The following LIPN variants were observed in gnomAD, a reference collection of about 807,000 sequenced individuals.
LIPN encodes the protein lipase member N.
Under a neutral mutation model 43.7 loss-of-function variants are expected in LIPN, and 32 were observed. That is an observed-to-expected ratio of 0.73 (90% CI 0.55 to 0.98). The LOEUF is 0.98. LIPN is among the 50% of genes least tolerant of loss of function. The pLI is 0.00. For missense variants in LIPN, 505 were observed against 483.8 expected (o/e 1.04, Z -0.41); for synonymous variants, 156 against 157.6 (o/e 0.99, Z 0.08).
At position 88,766,359 on chromosome 10, in the gene LIPN, T is replaced by C. The variant is rs763239745; in HGVS notation, c.516T>C (p.His172=). The C allele has an allele frequency of 4.4e-6, 7 of 1,601,468 alleles. No individual in the cohort carries two copies. Among genetic ancestry groups the C allele is most frequent in the African/African-American group, 2.7e-5 (2 of 74,494 alleles). ...AGGAGAAATTGTATTTCATTGGACA[T>C]TCACTTGGCACTACAATAGGTATGT... ...TGQEKLYFIG[H]SLGTTIGFVA... Residue 172 remains histidine (H), a synonymous_variant, in exon 5 of 10, where the codon CAT becomes CAC. Transcript: ENST00000404459.
chr10:88,764,497 T>G lies in LIPN; in HGVS notation c.314T>G (p.Phe105Cys). ...LENYANGSLG[F>C]LLADAGYDVW... is the part of the protein sequence containing the mutation. ...AATTATGCTAATGGAAGCCTTGGAT[T>G]CCTTCTAGCAGATGCAGGTTATGAT... The change falls in exon 4 of 10, where the codon TTC becomes TGC. Residue 105 changes from phenylalanine to cysteine, a missense_variant. Phe to Cys is a radical substitution (Grantham distance 205). Coordinates refer to ENST00000404459, the MANE Select transcript of LIPN (RefSeq NM_001102469.2). The G allele has an allele frequency of 6.2e-7, 1 of 1,612,436 alleles. No homozygotes were observed. The highest frequency in any genetic ancestry group is 1.1e-5 in the South Asian group (1 of 91,000).
chr10:88,775,147 T>C lies in LIPN; in HGVS notation c.947T>C (p.Met316Thr), dbSNP rs374661086. Residue 316 changes from methionine to threonine, a missense_variant, in exon 9 of 10, where the codon ATG (methionine) becomes ACG (threonine). Coordinates refer to ENST00000404459, the MANE Select transcript of LIPN (RefSeq NM_001102469.2). ...GACTGGGGAAATGACGCTGATAATA[T>C]GAAACATTACAATCAGGTGAGCTAT... ...AYDWGNDADNMKHYNQSHPPI... is the reference protein window; with the variant it reads ...AYDWGNDADNTKHYNQSHPPI... The C allele has an allele frequency of 6.5e-7, 1 of 1,544,460 alleles. No individual in the cohort carries two copies. Among genetic ancestry groups the C allele is most frequent in the Non-Finnish European group, 8.8e-7 (1 of 1,141,784 alleles).
At chr10:88,771,744 C>T (rs560628483) in intron 7 of LIPN, among the ~76,000 whole-genome samples, 127 of 145,432 alleles carry the variant, frequency 8.7e-4, no homozygotes, top group African/African-American at 3.0e-3. Flanking sequence ...GATTGATTTC[C>T]TTTTTTTTTT....
intron 3 of LIPN, 41 bp downstream of exon 3, chr10:88,762,346 C>T (rs1315532199): frequency 1.4e-5 from 17 of 1,213,884 alleles, no homozygotes; most frequent in African/African-American, 3.0e-5. Context: ...CTGCATTGAC[C>T]TCCTGCTTCT....
At chr10:88,773,139 TAA>T (rs34318851) in intron 7 of LIPN, among the ~76,000 whole-genome samples, 43 of 146,868 alleles carry the variant, frequency 2.9e-4, no homozygotes, top group African/African-American at 9.7e-4. Flanking sequence ...TTCATTGAAA[TAA>T]AAAAAAAAGC....
At position 88,778,181 on chromosome 10, in the gene LIPN, G is replaced by T; in HGVS notation, c.1136G>T (p.Gly379Val). The change falls in exon 10 of 10, where the codon GGC becomes GTC. Residue 379 changes from glycine (G) to valine (V), a missense_variant. Coordinates refer to ENST00000404459, the MANE Select transcript of LIPN (RefSeq NM_001102469.2). ...TGGAACCACTTTGATTTTGTCTGGG[G>T]CCTCGATGCCCCTCAACGGATGTAC... ...PDWNHFDFVW[G>V]LDAPQRMYSE... 6.2e-7 allele frequency: 1 copy of T among 1,613,248 alleles called. No homozygotes were observed. Among genetic ancestry groups the T allele is most frequent in the Non-Finnish European group, 8.5e-7 (1 of 1,179,590 alleles).
intron 4 of LIPN, among the ~76,000 whole-genome samples, chr10:88,765,136 C>A (rs1843072687): frequency 6.6e-6 from 1 of 151,964 alleles, no homozygotes; most frequent in South Asian, 2.1e-4. Flanking sequence ...CACATAGTAC[C>A]ATTTTCAGGA....
chr10:88,758,781 A>C (rs1055373378), upstream of LIPN, among the ~76,000 whole-genome samples: 1 of 151,966 alleles, frequency 6.6e-6, no homozygotes, highest in Non-Finnish European at 1.5e-5. Flanking sequence ...TTGAGGAGGG[A>C]ATATAAGTCA....
Position 88,775,175 on chromosome 10 carries a change from A to T in LIPN, c.963+12A>T, listed in dbSNP as rs937768524. The T allele has an allele frequency of 5.3e-6, 8 of 1,513,764 alleles. No individual in the cohort carries two copies. In the African/African-American group the frequency reaches 8.3e-5, roughly 16 times the overall value. 93.8% of individuals were successfully genotyped at this position (1,513,764 alleles called of 1,614,324 possible). A position where few individuals can be genotyped will look rare whatever the true frequency, so the allele number is the denominator to read the frequency against. On this transcript the variant is annotated intron_variant, in intron 9 of 9. Coordinates refer to ENST00000404459, the MANE Select transcript of LIPN (RefSeq NM_001102469.2). ...AACATTACAATCAGGTGAGCTATTT[A>T]CAGTAACCCCAGCATGCTGATTTTG...
At chr10:88,764,300 T>A in intron 3 of LIPN, 110 bp from the exon 4 acceptor site, 1 of 764,246 alleles carries the variant, frequency 1.3e-6, no homozygotes, top group South Asian at 1.9e-5. Flanking sequence ...TGTGTATGTG[T>A]GTGTGTCTGT....
rs760335119 is a variant in LIPN, at chr10:88,764,436, C to T, written c.253C>T (p.His85Tyr). The change falls in exon 4 of 10, where the codon CAT becomes TAT. Residue 85 changes from histidine to tyrosine, a missense_variant. Coordinates refer to ENST00000404459, the MANE Select transcript of LIPN (RefSeq NM_001102469.2). Reference protein sequence around the residue: ...TGPRPVVYMQHALFADNAYWL... With the variant: ...TGPRPVVYMQYALFADNAYWL... ...TCCCCGGCCAGTTGTGTATATGCAGCATGCCCTGTTTGCAGACAATGCCTA... is the reference window on the plus strand; with the variant it reads ...TCCCCGGCCAGTTGTGTATATGCAGTATGCCCTGTTTGCAGACAATGCCTA... 1.1e-5 allele frequency: 17 copies of T among 1,612,238 alleles called. No homozygotes were observed. Among genetic ancestry groups the T allele is most frequent in the Non-Finnish European group, 1.0e-5 (12 of 1,178,934 alleles).
upstream of LIPN, among the ~76,000 whole-genome samples, chr10:88,759,849 T>C (rs1564577456): frequency 6.6e-6 from 1 of 152,118 alleles, no homozygotes. Context: ...TCCGTCAAAC[T>C]GGTTATTTTG....
intron 7 of LIPN, among the ~76,000 whole-genome samples, chr10:88,773,133 T>C (rs914200071): frequency 6.2e-5 from 9 of 145,168 alleles, no homozygotes; most frequent in Non-Finnish European, 1.2e-4. Flanking sequence ...ACATTCTTCA[T>C]TGAAATAAAA....
intron 7 of LIPN, 27 bp downstream of exon 7, chr10:88,771,018 T>G (rs1039623931): frequency 2.4e-5 from 36 of 1,524,382 alleles, no homozygotes; most frequent in Non-Finnish European, 3.2e-5. Context: ...TAGGGCCATT[T>G]GATACCTTAA....
intron 3 of LIPN, among the ~76,000 whole-genome samples, chr10:88,762,880 T>C (rs1031381925): frequency 3.9e-5 from 6 of 152,030 alleles, no homozygotes; most frequent in African/African-American, 1.4e-4. Context: ...AGGCTTGAAT[T>C]CTAGAATGAG....
chr10:88,771,795 G>C (rs1319972367), intron 7 of LIPN, among the ~76,000 whole-genome samples: 1 of 151,278 alleles, frequency 6.6e-6, no homozygotes, highest in Non-Finnish European at 1.5e-5. Flanking sequence ...GGATCATATG[G>C]TAATTCTACT....
At position 88,764,993 on chromosome 10, in the gene LIPN, A is replaced by T. The variant is rs116868449; in HGVS notation, c.425+385A>T. On this transcript the variant is annotated intron_variant, in intron 4 of 9. Coordinates refer to ENST00000404459, the MANE Select transcript of LIPN (RefSeq NM_001102469.2). ...AACAGACAAACTCTCTGACCTCACA[A>T]AGCTTATGTTCATTTTAGTGATAAT... is the stretch of plus-strand genomic sequence containing the variant. Among the ~76,000 whole-genome samples, 884 of 152,060 alleles carry T rather than the reference A, an allele frequency of 5.8e-3. 2 individuals are homozygous for T. The highest frequency in any genetic ancestry group is 9.6e-3 in the Non-Finnish European group (652 of 67,924).
intron 6 of LIPN, among the ~76,000 whole-genome samples, chr10:88,770,173 C>G (rs1843180793): frequency 6.6e-6 from 1 of 151,750 alleles, no homozygotes; most frequent in Non-Finnish European, 1.5e-5. Context: ...ACCAGGAATC[C>G]CCATCCAAGT....
At chr10:88,768,649 A>G in intron 5 of LIPN, 143 bp from the exon 6 acceptor site, 1 of 611,954 alleles carries the variant, frequency 1.6e-6, no homozygotes, top group South Asian at 2.4e-5. Flanking sequence ...GATTATCTTT[A>G]TAGAATAACT....
Sources: allele counts gnomAD v4.1 joint callset (sites outside exome capture counted in the v4.1 genomes callset), GRCh38; gene constraint gnomAD v4.1.1; transcripts MANE v1.5; gene names NCBI Gene and HGNC (gene_info 2026-07-23, HGNC 2026-07-21).